FIRRM: variants seen among roughly 807,000 people sequenced by gnomAD.
FIRRM encodes FIGNL1-interacting regulator of recombination and mitosis.
chr1:169,785,171 G>C, the FIRRM span, among the ~76,000 whole-genome samples: 4 of 152,204 alleles, frequency 2.6e-5, no homozygotes, highest in Admixed American at 2.6e-4. Flanking sequence ...GCTCTCTGCT[G>C]CGCCACCATG....
chr1:169,846,851 C>T, the FIRRM span, among the ~76,000 whole-genome samples: 80 of 152,238 alleles, frequency 5.3e-4, no homozygotes, highest in African/African-American at 1.7e-3. Flanking sequence ...TTTGCATTCA[C>T]GACTTGGCTA....
chr1:169,801,339 G>A, the FIRRM span, among the ~76,000 whole-genome samples: 1 of 151,514 alleles, frequency 6.6e-6, no homozygotes, highest in Admixed American at 6.6e-5. Context: ...CAGCTACTTG[G>A]GAGACTGAGA....
At chr1:169,842,744 G>A in the FIRRM span, among the ~76,000 whole-genome samples, 389 of 152,256 alleles carry the variant, frequency 2.6e-3, no homozygotes, top group African/African-American at 8.6e-3. Flanking sequence ...ATCAGAATAC[G>A]TAATGTGATG....
chr1:169,829,121 C>A, the FIRRM span: 2 of 640,164 alleles, frequency 3.1e-6, no homozygotes, highest in Non-Finnish European at 4.9e-6. Flanking sequence ...TGTACATATT[C>A]ACACGTGTTG....
At chr1:169,790,867 C>T in the FIRRM span, among the ~76,000 whole-genome samples, 2 of 152,050 alleles carry the variant, frequency 1.3e-5, no homozygotes, top group African/African-American at 4.8e-5. Context: ...GTTAGCAGTC[C>T]CCAACCTTTT....
the FIRRM span, chr1:169,792,660 C>A: frequency 3.1e-6 from 5 of 1,611,608 alleles, no homozygotes; most frequent in African/African-American, 6.7e-5. Context: ...GTCTTAAAAA[C>A]ATCTCTTTCT....
the FIRRM span, chr1:169,842,432 G>T: frequency 6.2e-7 from 1 of 1,613,788 alleles, no homozygotes; most frequent in Non-Finnish European, 8.5e-7. Context: ...AGTACTGTCT[G>T]CTTTGCTTGC....
the FIRRM span, among the ~76,000 whole-genome samples, chr1:169,820,656 A>G: frequency 1.3e-5 from 2 of 152,040 alleles, no homozygotes; most frequent in African/African-American, 2.4e-5. Context: ...CTTAGGAGAG[A>G]CTCTAACTCC....
chr1:169,853,150 A>C, the FIRRM span: 1 of 718,398 alleles, frequency 1.4e-6, no homozygotes, highest in Non-Finnish European at 2.3e-6. Flanking sequence ...TATTCTTATT[A>C]AGAACTTTGG....
At chr1:169,799,261 G>A in the FIRRM span, among the ~76,000 whole-genome samples, 1 of 152,190 alleles carries the variant, frequency 6.6e-6, no homozygotes, top group Non-Finnish European at 1.5e-5. Flanking sequence ...ATGATATGCA[G>A]TCTACTGAAT....
At chr1:169,809,912 C>G in the FIRRM span, among the ~76,000 whole-genome samples, 1 of 152,190 alleles carries the variant, frequency 6.6e-6, no homozygotes, top group African/African-American at 2.4e-5. Context: ...GCTGCTATAA[C>G]AAAATCCCTT....
At chr1:169,808,919 G>T in the FIRRM span, among the ~76,000 whole-genome samples, 2 of 152,080 alleles carry the variant, frequency 1.3e-5, no homozygotes, top group South Asian at 4.1e-4. Flanking sequence ...AATTTTAATG[G>T]GACCATGAAT....
the FIRRM span, among the ~76,000 whole-genome samples, chr1:169,837,646 A>G: frequency 6.6e-6 from 1 of 152,212 alleles, no homozygotes; most frequent in South Asian, 2.1e-4. Flanking sequence ...TCATTCAACA[A>G]ATATATTTGG....
At chr1:169,814,209 A>G in the FIRRM span, among the ~76,000 whole-genome samples, 57 of 152,338 alleles carry the variant, frequency 3.7e-4, no homozygotes, top group Non-Finnish European at 6.5e-4. Flanking sequence ...CCATAAAATA[A>G]TACAAATCTA....
the FIRRM span, chr1:169,827,276 T>A: frequency 8.2e-7 from 1 of 1,215,706 alleles, no homozygotes; most frequent in Non-Finnish European, 1.1e-6. Flanking sequence ...TAGCCATTCT[T>A]TTTTACAATT....
the FIRRM span, among the ~76,000 whole-genome samples, chr1:169,826,806 A>G: frequency 6.6e-6 from 1 of 152,222 alleles, no homozygotes; most frequent in Non-Finnish European, 1.5e-5. Flanking sequence ...CAAAGCAACA[A>G]AGATTTCTCT....
the FIRRM span, among the ~76,000 whole-genome samples, chr1:169,808,301 G>A: frequency 3.3e-5 from 5 of 151,992 alleles, no homozygotes; most frequent in Non-Finnish European, 4.4e-5. Context: ...CTTCACCAAC[G>A]CATTGCGACC....
chr1:169,800,549 A>G, the FIRRM span, among the ~76,000 whole-genome samples: 4 of 152,300 alleles, frequency 2.6e-5, no homozygotes, highest in Non-Finnish European at 4.4e-5. Context: ...GTTTATCTAC[A>G]TTAAAATTGG....
chr1:169,785,143 A>T, the FIRRM span, among the ~76,000 whole-genome samples: 1 of 152,152 alleles, frequency 6.6e-6, no homozygotes, highest in Non-Finnish European at 1.5e-5. Context: ...CCCTCGCAGG[A>T]TGTGTGACAG....
Sources: gnomAD v4.1 joint callset for allele counts (sites outside exome capture counted in the v4.1 genomes callset) on GRCh38, gnomAD v4.1.1 for gene constraint, MANE v1.5 for transcripts, NCBI Gene and HGNC (gene_info 2026-07-23, HGNC 2026-07-21) for gene names.